The following ANKRD36B variants were observed in gnomAD, a reference collection of about 807,000 sequenced individuals.
ANKRD36B encodes ankyrin repeat domain-containing protein 36B.
In ANKRD36B, 37 loss-of-function variants were observed where a neutral mutation model predicts 135.7. The ratio of observed to expected loss-of-function variants is 0.27; its 90% CI spans 0.21 to 0.36. ANKRD36B has a LOEUF of 0.36. Among genes scored for constraint, ANKRD36B ranks in the 10% least tolerant of loss-of-function variants. ANKRD36B has a pLI of 1.00. For synonymous variants in ANKRD36B, 179 were observed against 348.1 expected (o/e 0.51, Z 5.41); for missense variants, 549 against 1,037.1 (o/e 0.53, Z 6.46).
In ANKRD36B at chr2:97,525,736, G is replaced by A. The variant is rs189346203; in HGVS notation, c.2266-2269C>T. Among the ~76,000 whole-genome samples, 26 of 97,336 alleles carry A rather than the reference G, an allele frequency of 2.7e-4. 8 individuals carry two copies. Among genetic ancestry groups the A allele is most frequent in the African/African-American group, 6.4e-4 (21 of 32,692 alleles). The allele number at this position is 97,336 out of a possible 152,430, so 63.9% of individuals were successfully genotyped here. A position where few individuals can be genotyped will look rare whatever the true frequency, so the allele number is the denominator to read the frequency against. ...TTTTCCAATGGGCTTAAAAAATGGC[G>A]CACCAGGAGATTATATCCTGCACCT... is the stretch of plus-strand genomic sequence containing the variant. On this transcript the variant is annotated intron_variant, in intron 35 of 43. Coordinates refer to ENST00000359901, the MANE Select transcript of ANKRD36B (RefSeq NM_001393939.1).
chr2:97,573,306 T>A (rs1392622338), intron 6 of ANKRD36B, among the ~76,000 whole-genome samples: 1 of 152,188 alleles, frequency 6.6e-6, no homozygotes, highest in Non-Finnish European at 1.5e-5. Flanking sequence ...CTTAATCCAG[T>A]CTATCATTGT....
chr2:97,550,818 TTCCTGCCTCACAA>T (rs1348247342), intron 18 of ANKRD36B, among the ~76,000 whole-genome samples: 3 of 151,840 alleles, frequency 2.0e-5, no homozygotes, highest in African/African-American at 7.2e-5. Context: ...TTTTCCCACA[TTCCTGCCTCACAA>T]TCCGTCTTCA....
At chr2:97,546,617 A>G (rs1412640768) in intron 22 of ANKRD36B, among the ~76,000 whole-genome samples, 8 of 151,860 alleles carry the variant, frequency 5.3e-5, no homozygotes, top group African/African-American at 1.7e-4. Flanking sequence ...ATTAGATATT[A>G]ATCAGTTTTT....
In ANKRD36B at chr2:97,541,821, G is replaced by A. The variant is rs2442240; in HGVS notation, c.1885+90C>T. On this transcript the variant is annotated intron_variant, in intron 28 of 43. Coordinates refer to ENST00000359901, the MANE Select transcript of ANKRD36B (RefSeq NM_001393939.1). Reference sequence around the variant, plus strand: ...CAGGCATGCTGAATCCAAACATAAAGCTTCAATGAAACCCCCGCTGATTTA... The same window carrying A: ...CAGGCATGCTGAATCCAAACATAAAACTTCAATGAAACCCCCGCTGATTTA... 1,724 of 906,144 alleles carry A rather than the reference G, an allele frequency of 1.9e-3. 330 individuals carry two copies. The South Asian group carries it at 0.021, about 11-fold the overall frequency. The allele number at this position is 906,144 out of a possible 1,614,324, so 56.1% of individuals were successfully genotyped here.
chr2:97,545,981 G>A, intron 22 of ANKRD36B, 120 bp from the exon 23 acceptor site: 2 of 914,254 alleles, frequency 2.2e-6, no homozygotes, highest in Admixed American at 3.8e-5. Flanking sequence ...GGCTTTGATG[G>A]CTTCTACTTT....
In ANKRD36B at chr2:97,580,443, T is replaced by A; in HGVS notation, c.557+19A>T. On this transcript the variant is annotated intron_variant, in intron 4 of 43. Coordinates refer to ENST00000359901, the MANE Select transcript of ANKRD36B (RefSeq NM_001393939.1). ...ACACTCAGGTTTAAAAACAACACAATAAGAACTAAGGTCTGTACCTGCCAA... is the reference window on the plus strand; with the variant it reads ...ACACTCAGGTTTAAAAACAACACAAAAAGAACTAAGGTCTGTACCTGCCAA... 6.6e-7 allele frequency: 1 copy of A among 1,517,384 alleles called. No homozygotes were observed. The highest frequency in any genetic ancestry group is 2.5e-5 in the East Asian group (1 of 39,892). The allele number at this position is 1,517,384 out of a possible 1,614,324, so 94.0% of individuals were successfully genotyped here.
intron 4 of ANKRD36B, among the ~76,000 whole-genome samples, chr2:97,579,822 C>T (rs1178886580): frequency 3.1e-4 from 47 of 152,028 alleles, no homozygotes; most frequent in South Asian, 2.3e-3. Flanking sequence ...GACATTCTAA[C>T]ATTATATATA....
rs1464024694 is a variant in ANKRD36B at position 97,537,330 on chromosome 2, G to A, written c.2090-834C>T. Among the ~76,000 whole-genome samples the A allele has an allele frequency of 3.1e-5, 3 of 96,516 alleles. 1 individual carries two copies. Among genetic ancestry groups the A allele is most frequent in the African/African-American group, 9.3e-5 (3 of 32,272 alleles). The allele number at this position is 96,516 out of a possible 152,430, so 63.3% of individuals were successfully genotyped here. ...AATGCATTCAACATTATTTTTGTCT[G>A]TAAAATTAGTCTGCTCTGGAATATC... On this transcript the variant is annotated intron_variant, in intron 32 of 43. Transcript: ENST00000359901.
At chr2:97,546,674 G>T (rs1275787516) in intron 22 of ANKRD36B, among the ~76,000 whole-genome samples, 1 of 151,686 alleles carries the variant, frequency 6.6e-6, no homozygotes, top group African/African-American at 2.4e-5. Flanking sequence ...AATTTTAGGA[G>T]TTAGTTAGAA....
At chr2:97,560,003 G>A (rs2080877553) in intron 8 of ANKRD36B, among the ~76,000 whole-genome samples, 2 of 151,860 alleles carry the variant, frequency 1.3e-5, no homozygotes, top group African/African-American at 4.8e-5. Flanking sequence ...GTAACAAAGA[G>A]GAGTAATGAG....
In ANKRD36B at chr2:97,523,369, C is replaced by G; in HGVS notation, c.2364G>C (p.Lys788Asn). The change falls in exon 36 of 44, where the codon AAG (lysine) becomes AAC (asparagine). Residue 788 changes from lysine (K) to asparagine (N), a missense_variant. Lys to Asn is a moderately conservative substitution (Grantham distance 94). Transcript: ENST00000359901. ...GTTGATCAATGAGTAATATGACATT[C>G]TTACAATTACAGCAAAGCGAGTCAC... ...EDGDSLCCNC[K>N]NVILLIDQHE... is the part of the protein sequence containing the mutation. The G allele has an allele frequency of 1.9e-6, 1 of 519,584 alleles. No individual in the cohort carries two copies. The highest frequency in any genetic ancestry group is 1.5e-5 in the South Asian group (1 of 66,028). 32.2% of individuals were successfully genotyped at this position (519,584 alleles called of 1,614,324 possible). A position where few individuals can be genotyped will look rare whatever the true frequency, so the allele number is the denominator to read the frequency against.
At chr2:97,564,678 G>GT in intron 6 of ANKRD36B, among the ~76,000 whole-genome samples, 1 of 152,190 alleles carries the variant, frequency 6.6e-6, no homozygotes, top group Non-Finnish European at 1.5e-5. Flanking sequence ...AAGATCAGAT[G>GT]GTGTAGGTGT....
chr2:97,589,242 C>A lies in ANKRD36B; in HGVS notation c.161+283G>T, dbSNP rs1191162789. Among the ~76,000 whole-genome samples the A allele has an allele frequency of 2.0e-3, 210 of 106,308 alleles. 1 individual carries two copies. Among genetic ancestry groups the A allele is most frequent in the African/African-American group, 7.6e-3 (199 of 26,050 alleles). The allele number at this position is 106,308 out of a possible 152,430, so 69.7% of individuals were successfully genotyped here. On this transcript the variant is annotated intron_variant, in intron 1 of 43. Transcript: ENST00000359901. The stretch of plus-strand genomic sequence containing the variant: ...CCACCCCACACCATCCACGCCCCTA[C>A]CCCCCAAGCCTTCATTCCATCCACC...
chr2:97,550,164 T>C (rs535416175), intron 18 of ANKRD36B, among the ~76,000 whole-genome samples: 1 of 150,246 alleles, frequency 6.7e-6, no homozygotes, highest in South Asian at 2.1e-4. Context: ...TGTTTGCTGA[T>C]ACCAAGTAGA....
chr2:97,549,076 T>C (rs1301181027), intron 20 of ANKRD36B, among the ~76,000 whole-genome samples: 1 of 151,896 alleles, frequency 6.6e-6, no homozygotes, highest in Non-Finnish European at 1.5e-5. Context: ...GTAAAATCGA[T>C]ACTTCCTCTC....
At chr2:97,579,144 C>T in intron 4 of ANKRD36B, 101 bp from the exon 5 acceptor site, 2 of 1,264,136 alleles carry the variant, frequency 1.6e-6, no homozygotes, top group Non-Finnish European at 2.2e-6. Flanking sequence ...GTAGAATTAA[C>T]CCAATTACAT....
intron 1 of ANKRD36B, among the ~76,000 whole-genome samples, chr2:97,588,415 T>C (rs1335678655): frequency 2.0e-5 from 3 of 151,982 alleles, no homozygotes; most frequent in Non-Finnish European, 4.4e-5. Context: ...CACATATTGG[T>C]GTGTTCCTGG....
intron 30 of ANKRD36B, 142 bp downstream of exon 30, chr2:97,539,892 G>T: frequency 2.6e-6 from 1 of 390,428 alleles, no homozygotes; most frequent in South Asian, 2.0e-5. Flanking sequence ...CGTCACCCGA[G>T]AACTTATTAC....
At chr2:97,576,893 T>G (rs970435784) in intron 5 of ANKRD36B, among the ~76,000 whole-genome samples, 2 of 152,090 alleles carry the variant, frequency 1.3e-5, no homozygotes, top group Non-Finnish European at 2.9e-5. Context: ...GTTCTTGAAC[T>G]TTATCGCTGA....
Sources: gnomAD v4.1 joint callset for allele counts (sites outside exome capture counted in the v4.1 genomes callset) on GRCh38, gnomAD v4.1.1 for gene constraint, MANE v1.5 for transcripts, NCBI Gene and HGNC (gene_info 2026-07-23, HGNC 2026-07-21) for gene names.